GTF3C2: variants seen among roughly 807,000 people sequenced by gnomAD.
GTF3C2 encodes general transcription factor IIIC subunit 2, also known as general transcription factor 3C polypeptide 2.
A neutral mutation model predicts 117.4 loss-of-function variants in GTF3C2; 17 were observed. The ratio of observed to expected loss-of-function variants is 0.14; its 90% CI spans 0.10 to 0.22. The LOEUF (loss-of-function observed/expected upper bound fraction) is 0.22, where lower values mean the gene tolerates loss of function less well. Ranked by LOEUF, GTF3C2 falls within the 10% of genes least tolerant of loss-of-function variation. The probability of loss-of-function intolerance (pLI) is 1.00; values close to 1 mark genes in which losing one functional copy is unlikely to be tolerated. For synonymous variants in GTF3C2, 437 were observed against 427.0 expected (o/e 1.02, Z -0.29); for missense variants, 888 against 1,143.6 (o/e 0.78, Z 3.22).
At chr2:27,331,930 C>A (rs115896910) in intron 12 of GTF3C2, among the ~76,000 whole-genome samples, 2,997 of 152,090 alleles carry the variant, frequency 0.02, 101 homozygotes, top group African/African-American at 0.069. Context: ...CAGAGTGAGA[C>A]CCTATCTGAA....
At chr2:27,345,559 C>T (rs1680887885) in intron 1 of GTF3C2, among the ~76,000 whole-genome samples, 1 of 151,898 alleles carries the variant, frequency 6.6e-6, no homozygotes, top group African/African-American at 2.4e-5. Context: ...TGCCACCGTA[C>T]TCCAGCCTGG....
intron 1 of GTF3C2, among the ~76,000 whole-genome samples, chr2:27,346,636 A>G (rs548370719): frequency 3.8e-4 from 58 of 152,024 alleles, no homozygotes; most frequent in African/African-American, 1.3e-3. Flanking sequence ...GTCTCCCAAA[A>G]TGCTGGGATT....
chr2:27,333,920 G>C, intron 11 of GTF3C2, 54 bp downstream of exon 11: 5 of 1,492,408 alleles, frequency 3.4e-6, no homozygotes, highest in Non-Finnish European at 4.7e-6. Flanking sequence ...GAATCAGCAA[G>C]GTGAGGCTCT....
In GTF3C2 at chr2:27,326,866, AG is replaced by A; in HGVS notation, c.2544del (p.Tyr849MetfsTer87). The A allele has an allele frequency of 1.9e-6, 3 of 1,613,504 alleles. No individual in the cohort carries two copies. The highest frequency in any genetic ancestry group is 8.5e-7 in the Non-Finnish European group (1 of 1,179,458). On this transcript the variant is annotated frameshift_variant, in exon 19 of 19. Transcript: ENST00000264720. LOFTEE classifies it high-confidence loss of function. ...TGCCCCCCAGATACCAGCCATCCAT[AG>A]GAGTCCAGGTTTGGGCTGAAACGTA... is the stretch of plus-strand genomic sequence containing the variant.
chr2:27,336,062 G>A (rs1680463923), intron 8 of GTF3C2, 34 bp from the exon 9 acceptor site: 1 of 1,479,138 alleles, frequency 6.8e-7, no homozygotes, highest in African/African-American at 1.4e-5. Context: ...ATGGTGGGTA[G>A]GAAGAAGGGA....
At chr2:27,347,138 C>G (rs975505058) in intron 1 of GTF3C2, among the ~76,000 whole-genome samples, 4 of 152,288 alleles carry the variant, frequency 2.6e-5, no homozygotes, top group East Asian at 1.9e-4. Flanking sequence ...CTAAGCAACA[C>G]AGAACTCTCC....
chr2:27,354,443 TAA>T (rs1681253986), intron 1 of GTF3C2, among the ~76,000 whole-genome samples: 1 of 152,162 alleles, frequency 6.6e-6, no homozygotes. Flanking sequence ...GGAAATCAGT[TAA>T]GAGAGCTTCT....
chr2:27,336,075 C>T (rs1426492630), intron 8 of GTF3C2, 47 bp from the exon 9 acceptor site: 1 of 1,429,136 alleles, frequency 7.0e-7, no homozygotes, highest in Non-Finnish European at 9.9e-7. Flanking sequence ...AGAAGGGACG[C>T]AGGGCTGCCA....
Position 27,338,582 on chromosome 2 carries a change from G to A in GTF3C2, c.856-562C>T, listed in dbSNP as rs556677181. On this transcript the variant is annotated intron_variant, in intron 4 of 18. Transcript: ENST00000264720. Reference sequence around the variant, plus strand: ...GTCTCACTCTGTTGCCCAGGCTGGAGTGCAGTGGCGCAATCTTGGCTCACT... The same window carrying A: ...GTCTCACTCTGTTGCCCAGGCTGGAATGCAGTGGCGCAATCTTGGCTCACT... Among the ~76,000 whole-genome samples the A allele has an allele frequency of 3.9e-5, 6 of 152,280 alleles. No homozygotes were observed. In the South Asian group the frequency reaches 1.2e-3, roughly 32 times the overall value.
Position 27,329,334 on chromosome 2 carries a change from G to A in GTF3C2, c.1877+45C>T. 2 of 1,613,768 alleles carry A rather than the reference G, an allele frequency of 1.2e-6. No individual in the cohort carries two copies. Among genetic ancestry groups the A allele is most frequent in the Non-Finnish European group, 1.7e-6 (2 of 1,179,638 alleles). On this transcript the variant is annotated intron_variant, in intron 13 of 18. Transcript: ENST00000264720. This position sits in a 1 kb window ranked among gnomAD's most constrained non-coding sequence, Gnocchi z 4.5. ...TCCAAACAAATCCGGAAGTCAGCCT[G>A]TCCCAGTCTTCACCTTCCCCCTCCA...
chr2:27,337,145 C>T (rs1159187305), intron 7 of GTF3C2, 99 bp downstream of exon 7: 5 of 699,676 alleles, frequency 7.1e-6, no homozygotes, highest in African/African-American at 1.8e-5. Context: ...GAACCAGCAT[C>T]AGGGGAAGGA....
exon 3 of GTF3C2, chr2:27,342,904 T>G: frequency 6.2e-7 from 1 of 1,614,212 alleles, no homozygotes; most frequent in Non-Finnish European, 8.5e-7. Context: ...AGATTGAGAT[T>G]CTGGCCGATC....
intron 6 of GTF3C2, 31 bp from the exon 7 acceptor site, chr2:27,337,373 T>A: frequency 6.5e-7 from 1 of 1,534,720 alleles, no homozygotes. Context: ...CAGTCTAAAT[T>A]TGGAAGTGTT....
At chr2:27,342,558 G>T in intron 3 of GTF3C2, 2 of 553,686 alleles carry the variant, frequency 3.6e-6, no homozygotes, top group African/African-American at 1.9e-5. Context: ...GACATATACT[G>T]GACAGTAAAA....
rs747034675 is a variant in GTF3C2, at chr2:27,334,051, G to A, written c.1577-52C>T. 3.0e-5 allele frequency: 42 copies of A among 1,418,264 alleles called. No individual in the cohort carries two copies. In the African/African-American group the frequency reaches 5.3e-4, roughly 18 times the overall value. 87.9% of individuals were successfully genotyped at this position (1,418,264 alleles called of 1,614,324 possible). A position where few individuals can be genotyped will look rare whatever the true frequency, so the allele number is the denominator to read the frequency against. Reference sequence around the variant, plus strand: ...CTCTATGGATCCCAAGGACTCAGCAGGTCTTACTCTGTCACCCAGGCCCGA... The same window carrying A: ...CTCTATGGATCCCAAGGACTCAGCAAGTCTTACTCTGTCACCCAGGCCCGA... On this transcript the variant is annotated intron_variant, in intron 10 of 18. Coordinates refer to ENST00000264720, the Ensembl canonical transcript of GTF3C2.
chr2:27,342,967 C>T, exon 3 of GTF3C2: 1 of 1,614,172 alleles, frequency 6.2e-7, no homozygotes, highest in South Asian at 1.1e-5. Context: ...CTTTCGACCT[C>T]GTTTCTTAGG....
intron 11 of GTF3C2, 21 bp from the exon 12 acceptor site, chr2:27,333,805 G>A: frequency 6.2e-7 from 1 of 1,601,166 alleles, no homozygotes; most frequent in South Asian, 1.1e-5. Flanking sequence ...AGAAGAGATG[G>A]GACTAGGGTT....
chr2:27,338,068 G>T, intron 4 of GTF3C2, 48 bp from the exon 5 acceptor site: 2 of 1,161,292 alleles, frequency 1.7e-6, no homozygotes, highest in Non-Finnish European at 2.6e-6. Flanking sequence ...TCTACAGGTT[G>T]GACAAAGTCC....
chr2:27,339,424 A>AAAG (rs1558618214), intron 4 of GTF3C2, among the ~76,000 whole-genome samples: 2 of 146,908 alleles, frequency 1.4e-5, no homozygotes, highest in African/African-American at 2.5e-5. Context: ...AAAAAAAAAA[A>AAAG]AAAGAAAAAA....
Sources: allele counts gnomAD v4.1 joint callset (sites outside exome capture counted in the v4.1 genomes callset), GRCh38; gene constraint gnomAD v4.1.1; non-coding constraint Gnocchi (gnomAD v3.1); transcripts MANE v1.5; gene names NCBI Gene and HGNC (gene_info 2026-07-23, HGNC 2026-07-21).